Variants in CD5 observed in about 807,000 individuals in gnomAD.
CD5 encodes the protein T-cell surface glycoprotein CD5.
In CD5, 36 loss-of-function variants were observed where a neutral mutation model predicts 60.3. The observed-to-expected ratio is 0.60, with a 90% confidence interval of 0.46 to 0.79. CD5 has a LOEUF of 0.79. Among genes scored for constraint, CD5 ranks in the 30% least tolerant of loss-of-function variants. The probability of loss-of-function intolerance (pLI) is 0.00; values close to 1 mark genes in which losing one functional copy is unlikely to be tolerated. For missense variants in CD5, 540 were observed against 630.6 expected (o/e 0.86, Z 1.54); for synonymous variants, 230 against 257.6 (o/e 0.89, Z 1.03).
intron 7 of CD5, 75 bp downstream of exon 7, chr11:61,123,107 G>A: frequency 1.4e-6 from 2 of 1,472,818 alleles, no homozygotes; most frequent in Non-Finnish European, 9.1e-7. Flanking sequence ...TCCTCCGGAG[G>A]AGGGGTCATG....
At chr11:61,095,117 A>G in the CD5 span, among the ~76,000 whole-genome samples, 66,578 of 151,918 alleles carry the variant, frequency 0.44, 15,754 homozygotes, top group East Asian at 0.92. Context: ...GAAGAGTCAC[A>G]GCAGGAATTG....
At position 61,126,680 on chromosome 11, in the gene CD5, A is replaced by G. The variant is rs1861152560; in HGVS notation, c.*395A>G. 1 of 152,268 alleles carries G rather than the reference A, an allele frequency of 6.6e-6. No homozygotes were observed. Among genetic ancestry groups the G allele is most frequent in the Admixed American group, 6.5e-5 (1 of 15,288 alleles). The allele number at this position is 152,268 out of a possible 1,614,324, so 9.4% of individuals were successfully genotyped here. ...ACAGCTGGGCGAGTGCATTTTGAAT[A>G]GTTTTTTGTAAGTAGTGCTTTTCCT... On this transcript the variant is annotated 3_prime_UTR_variant, in exon 11 of 11. Coordinates refer to ENST00000347785, the MANE Select transcript of CD5 (RefSeq NM_014207.4).
intron 1 of CD5, among the ~76,000 whole-genome samples, chr11:61,110,452 G>A (rs1031753712): frequency 6.6e-6 from 1 of 152,264 alleles, no homozygotes; most frequent in African/African-American, 2.4e-5. Context: ...GAGAGGCTGA[G>A]TGGCTTGCCA....
chr11:61,097,044 C>T, the CD5 span, among the ~76,000 whole-genome samples: 104 of 152,216 alleles, frequency 6.8e-4, 1 homozygote, highest in Middle Eastern at 3.4e-3. Flanking sequence ...GGACTTGGTC[C>T]GAGGAGAAGT....
At chr11:61,120,136 C>T (rs2134607796) in intron 5 of CD5, among the ~76,000 whole-genome samples, 1 of 152,158 alleles carries the variant, frequency 6.6e-6, no homozygotes, top group Admixed American at 6.5e-5. Flanking sequence ...AGAATGATGC[C>T]GCTGTGTGGT....
In CD5 at chr11:61,126,820, A is replaced by C. The variant is rs977083935; in HGVS notation, c.*535A>C. 2.6e-5 allele frequency: 4 copies of C among 152,176 alleles called. No homozygotes were observed. Among genetic ancestry groups the C allele is most frequent in the African/African-American group, 9.7e-5 (4 of 41,420 alleles). 9.4% of individuals were successfully genotyped at this position (152,176 alleles called of 1,614,324 possible). ...AGACCTCTGCAGCCGTGGTGGTCAG[A>C]GGCTGCTCACCTGAGCACAAAGACA... On this transcript the variant is annotated 3_prime_UTR_variant, in exon 11 of 11. Coordinates refer to ENST00000347785, the MANE Select transcript of CD5 (RefSeq NM_014207.4).
At chr11:61,112,499 T>C (rs910043042) in intron 1 of CD5, among the ~76,000 whole-genome samples, 2 of 151,894 alleles carry the variant, frequency 1.3e-5, no homozygotes, top group African/African-American at 4.8e-5. Flanking sequence ...CAAAAATTAG[T>C]CGGGCGTGGT....
At chr11:61,123,127 A>G in intron 7 of CD5, 95 bp downstream of exon 7, 1 of 1,399,300 alleles carries the variant, frequency 7.1e-7, no homozygotes, top group Non-Finnish European at 9.6e-7. Context: ...GCCTCCAGAG[A>G]GCTGGGCACG....
At chr11:61,100,607 C>A (rs1203776151), upstream of CD5, among the ~76,000 whole-genome samples, 3 of 83,322 alleles carry the variant, frequency 3.6e-5, no homozygotes, top group Admixed American at 1.1e-4. Context: ...GGAGATCACA[C>A]ACACAACATG....
At chr11:61,107,827 G>A (rs1330045708) in intron 1 of CD5, among the ~76,000 whole-genome samples, 5 of 152,162 alleles carry the variant, frequency 3.3e-5, no homozygotes, top group African/African-American at 9.7e-5. Flanking sequence ...TAGGAAATGG[G>A]TGGTGGCAGT....
At chr11:61,123,136 C>G (rs11230602) in intron 7 of CD5, 104 bp downstream of exon 7, 56 of 1,315,594 alleles carry the variant, frequency 4.3e-5, no homozygotes, top group Non-Finnish European at 5.7e-5. Flanking sequence ...GAGCTGGGCA[C>G]GCAGGACACC....
intron 2 of CD5, among the ~76,000 whole-genome samples, chr11:61,116,666 CCACA>C (rs376831211): frequency 3.2e-4 from 6 of 18,692 alleles, no homozygotes; most frequent in Admixed American, 2.6e-3. Context: ...ACCACACACA[CCACA>C]CACACACACT....
rs1463221573 is a variant in CD5 at position 61,118,079 on chromosome 11, G to A, written c.95-96G>A. On this transcript the variant is annotated intron_variant, in intron 2 of 10. Coordinates refer to ENST00000347785, the MANE Select transcript of CD5 (RefSeq NM_014207.4). This position sits in a 1 kb window ranked among gnomAD's most constrained non-coding sequence, Gnocchi z 4.7. Reference sequence around the variant, plus strand: ...AAGGCAGGCAGCCCACGGGGCAGGAGGGAGCTCAACTGGGCGTCCTAGGGA... The same window carrying A: ...AAGGCAGGCAGCCCACGGGGCAGGAAGGAGCTCAACTGGGCGTCCTAGGGA... 1 of 1,307,754 alleles carries A rather than the reference G, an allele frequency of 7.6e-7. No individual in the cohort carries two copies. The highest frequency in any genetic ancestry group is 2.3e-5 in the East Asian group (1 of 43,150). 81.0% of individuals were successfully genotyped at this position (1,307,754 alleles called of 1,614,324 possible).
chr11:61,115,568 G>A (rs1306468379), intron 2 of CD5, among the ~76,000 whole-genome samples: 1 of 152,332 alleles, frequency 6.6e-6, no homozygotes, highest in Admixed American at 6.5e-5. Context: ...CATGGAGCAT[G>A]TTGGACAAAG....
At chr11:61,124,932 A>G in intron 8 of CD5, 100 bp from the exon 9 acceptor site, 1 of 1,459,286 alleles carries the variant, frequency 6.9e-7, no homozygotes, top group South Asian at 1.2e-5. Context: ...TCTCCCCGCT[A>G]ACATCATGGG....
the CD5 span, among the ~76,000 whole-genome samples, chr11:61,094,397 CTTTGGT>C: frequency 2.6e-5 from 4 of 152,140 alleles, no homozygotes; most frequent in East Asian, 3.9e-4. Context: ...TTTATCAGCA[CTTTGGT>C]TTTGGTTTTG....
At chr11:61,115,596 C>T (rs1860927131) in intron 2 of CD5, among the ~76,000 whole-genome samples, 1 of 152,222 alleles carries the variant, frequency 6.6e-6, no homozygotes, top group Admixed American at 6.5e-5. Flanking sequence ...AACACCGCAT[C>T]TCCCACTGAA....
chr11:61,097,695 C>T (rs560297285), upstream of CD5, among the ~76,000 whole-genome samples: 2 of 152,180 alleles, frequency 1.3e-5, no homozygotes, highest in South Asian at 2.1e-4. Context: ...CTATGCTTCC[C>T]GCAAAAAGAG....
Position 61,118,629 on chromosome 11 carries a change from G to C in CD5, c.400+149G>C. 10 of 765,766 alleles carry C rather than the reference G, an allele frequency of 1.3e-5. No homozygotes were observed. The highest frequency in any genetic ancestry group is 2.1e-5 in the Non-Finnish European group (10 of 481,142). 47.4% of individuals were successfully genotyped at this position (765,766 alleles called of 1,614,324 possible). A position where few individuals can be genotyped will look rare whatever the true frequency, so the allele number is the denominator to read the frequency against. ...AACCACTCCCCAAGACACATACCCAGGAGGGGGACTGGAAGGGGCCAGCAC... is the reference window on the plus strand; with the variant it reads ...AACCACTCCCCAAGACACATACCCACGAGGGGGACTGGAAGGGGCCAGCAC... On this transcript the variant is annotated intron_variant, in intron 3 of 10. Coordinates refer to ENST00000347785, the MANE Select transcript of CD5 (RefSeq NM_014207.4). This position sits in a 1 kb window ranked among gnomAD's most constrained non-coding sequence, Gnocchi z 4.7.
Sources: allele counts gnomAD v4.1 joint callset (sites outside exome capture counted in the v4.1 genomes callset), GRCh38; gene constraint gnomAD v4.1.1; non-coding constraint Gnocchi (gnomAD v3.1); transcripts MANE v1.5; gene names NCBI Gene and HGNC (gene_info 2026-07-23, HGNC 2026-07-21).